The following INSM1 variants were observed in gnomAD, a reference collection of about 807,000 sequenced individuals.
The protein encoded by INSM1 is insulinoma-associated protein 1.
INSM1 carries 11 observed loss-of-function variants against 21.1 expected under a neutral mutation model. The observed-to-expected ratio is 0.52, with a 90% confidence interval of 0.33 to 0.86. INSM1 has a LOEUF of 0.86. INSM1 is among the 40% of genes least tolerant of loss of function. INSM1 has a pLI of 0.03. For synonymous variants in INSM1, 473 were observed against 386.1 expected (o/e 1.23, Z -2.64); for missense variants, 843 against 760.1 (o/e 1.11, Z -1.28).
Position 20,368,698 on chromosome 20 carries a change from G to A in INSM1, c.431G>A (p.Gly144Asp). 1 of 1,278,886 alleles carries A rather than the reference G, an allele frequency of 7.8e-7. No homozygotes were observed. Among genetic ancestry groups the A allele is most frequent in the South Asian group, 2.1e-5 (1 of 47,642 alleles). The allele number at this position is 1,278,886 out of a possible 1,614,324, so 79.2% of individuals were successfully genotyped here. The change falls in exon 1 of 1, where the codon GGC becomes GAC. Residue 144 changes from glycine to aspartate, a missense_variant. By Grantham distance (94) the Gly-to-Asp change is moderately conservative (BLOSUM62 -1). Coordinates refer to ENST00000310227, the MANE Select transcript of INSM1 (RefSeq NM_002196.3). The surrounding 1 kb of genome is among the most constrained non-coding windows in gnomAD (Gnocchi z 4.3). Reference protein sequence around the residue: ...PAALLGGGGGGGASGAGGGGT... With the variant: ...PAALLGGGGGDGASGAGGGGT... ...GCGCTGCTCGGAGGGGGCGGCGGCG[G>A]CGGCGCGAGCGGAGCTGGCGGAGGC...
rs188353744 is a variant in INSM1 at position 20,370,431 on chromosome 20, G to A, written c.*631G>A. The stretch of plus-strand genomic sequence containing the variant: ...GAACTGTTGTCTGGGATTGTTTTGT[G>A]GGGGGAGGGAAGGGAGTGTTCCGAA... On this transcript the variant is annotated 3_prime_UTR_variant, in exon 1 of 1. Transcript: ENST00000310227. 2 of 167,044 alleles carry A rather than the reference G, an allele frequency of 1.2e-5. No homozygotes were observed. The highest frequency in any genetic ancestry group is 2.4e-5 in the African/African-American group (1 of 41,416). The allele number at this position is 167,044 out of a possible 1,614,324, so 10.3% of individuals were successfully genotyped here.
At position 20,370,069 on chromosome 20, in the gene INSM1, A is replaced by G. The variant is rs1344042235; in HGVS notation, c.*269A>G. 4 of 423,664 alleles carry G rather than the reference A, an allele frequency of 9.4e-6. No homozygotes were observed. Among genetic ancestry groups the G allele is most frequent in the Non-Finnish European group, 8.6e-6 (2 of 231,736 alleles). 26.2% of individuals were successfully genotyped at this position (423,664 alleles called of 1,614,324 possible). ...GAGTCAGTCTCTTTCTGTACAAGGG[A>G]GAAAAGCTGTACGCGTTTGTCTCGT... On this transcript the variant is annotated 3_prime_UTR_variant, in exon 1 of 1. Coordinates refer to ENST00000310227, the MANE Select transcript of INSM1 (RefSeq NM_002196.3).
chr20:20,368,247 G>A lies in INSM1; in HGVS notation c.-21G>A. ...GCGGAGGGGGGACCGAGCCAGTGCC[G>A]TGCCCTCGGGCCGCGCCAACATGCC... is the stretch of plus-strand genomic sequence containing the variant. On this transcript the variant is annotated 5_prime_UTR_variant, in exon 1 of 1. It adds an upstream start codon to the 5' untranslated region. Transcript: ENST00000310227. This position sits in a 1 kb window ranked among gnomAD's most constrained non-coding sequence, Gnocchi z 4.3. 7 of 1,199,900 alleles carry A rather than the reference G, an allele frequency of 5.8e-6. No individual in the cohort carries two copies. The South Asian group carries it at 8.4e-5, about 14-fold the overall frequency. The allele number at this position is 1,199,900 out of a possible 1,614,324, so 74.3% of individuals were successfully genotyped here. A position where few individuals can be genotyped will look rare whatever the true frequency, so the allele number is the denominator to read the frequency against.
Position 20,368,953 on chromosome 20 carries a change from T to G in INSM1, c.686T>G (p.Leu229Arg), listed in dbSNP as rs1373913043. 1 of 1,555,284 alleles carries G rather than the reference T, an allele frequency of 6.4e-7. No homozygotes were observed. Among genetic ancestry groups the G allele is most frequent in the Non-Finnish European group, 8.7e-7 (1 of 1,154,140 alleles). Reference protein sequence around the residue: ...GAKKPKAIRKLHFEDEVTTSP... With the variant: ...GAKKPKAIRKRHFEDEVTTSP... ...AAGAAGCCCAAGGCCATCCGCAAGCTGCACTTCGAGGACGAGGTGACCACG... is the reference window on the plus strand; with the variant it reads ...AAGAAGCCCAAGGCCATCCGCAAGCGGCACTTCGAGGACGAGGTGACCACG... Residue 229 changes from leucine to arginine, a missense_variant, in exon 1 of 1, where the codon CTG becomes CGG. By Grantham distance (102) the Leu-to-Arg change is moderately radical (BLOSUM62 -2). Coordinates refer to ENST00000310227, the MANE Select transcript of INSM1 (RefSeq NM_002196.3). The surrounding 1 kb of genome is among the most constrained non-coding windows in gnomAD (Gnocchi z 4.3).
In INSM1 at chr20:20,369,230, C is replaced by G. The variant is rs751204309; in HGVS notation, c.963C>G (p.Pro321=). 8.2e-6 allele frequency: 12 copies of G among 1,463,742 alleles called. No homozygotes were observed. The South Asian group carries it at 9.3e-5, about 11-fold the overall frequency. 90.7% of individuals were successfully genotyped at this position (1,463,742 alleles called of 1,614,324 possible). The change falls in exon 1 of 1, where the codon CCC becomes CCG. Residue 321 remains proline (P), a synonymous_variant. Coordinates refer to ENST00000310227, the MANE Select transcript of INSM1 (RefSeq NM_002196.3). This position sits in a 1 kb window ranked among gnomAD's most constrained non-coding sequence, Gnocchi z 5.6. ...ACCGCCGCTGGCACAAACCGCGGCC[C>G]GCGCCCGCCGCCGCCCGCGCGCCGG... ...ASHRRWHKPR[P]APAAARAPEP...
In INSM1 at chr20:20,368,872, C is replaced by G. The variant is rs750881078; in HGVS notation, c.605C>G (p.Pro202Arg). 3.0e-5 allele frequency: 43 copies of G among 1,430,984 alleles called. No homozygotes were observed. The Middle Eastern group carries it at 1.3e-3, about 42-fold the overall frequency. 88.6% of individuals were successfully genotyped at this position (1,430,984 alleles called of 1,614,324 possible). Residue 202 changes from proline (P) to arginine (R), a missense_variant, in exon 1 of 1, where the codon CCC becomes CGC. Transcript: ENST00000310227. This position sits in a 1 kb window ranked among gnomAD's most constrained non-coding sequence, Gnocchi z 4.3. ...GCCCTGCGGCCCCCGGGAAAGCGGC[C>G]CCCGCCCCCTACCGCCGCGGAGCCG... is the stretch of plus-strand genomic sequence containing the variant. ...AAALRPPGKR[P>R]PPPTAAEPPA...
chr20:20,368,372 C>A lies in INSM1; in HGVS notation c.105C>A (p.Ser35Arg). The A allele has an allele frequency of 9.1e-7, 1 of 1,103,898 alleles. No homozygotes were observed. The highest frequency in any genetic ancestry group is 1.1e-6 in the Non-Finnish European group (1 of 901,252). 68.4% of individuals were successfully genotyped at this position (1,103,898 alleles called of 1,614,324 possible). Reference sequence around the variant, plus strand: ...ACCGCGCACTGCTGCTCTCGCCCAGCTGCGGGGGCGCCCGCGCCGAGCCCC... The same window carrying A: ...ACCGCGCACTGCTGCTCTCGCCCAGATGCGGGGGCGCCCGCGCCGAGCCCC... ...DGDRALLLSP[S>R]CGGARAEPPA... The change falls in exon 1 of 1, where the codon AGC becomes AGA. Residue 35 changes from serine (S) to arginine (R), a missense_variant. Physicochemically the swap from Ser to Arg is moderately radical, Grantham distance 110. Coordinates refer to ENST00000310227, the MANE Select transcript of INSM1 (RefSeq NM_002196.3). The surrounding 1 kb of genome is among the most constrained non-coding windows in gnomAD (Gnocchi z 4.3).
chr20:20,368,533 G>T lies in INSM1; in HGVS notation c.266G>T (p.Gly89Val). ...PPQGPRAAHF[G>V]NPEAAHPAPL... ...CAGGGCCCGCGGGCCGCGCACTTCG[G>T]CAACCCCGAGGCTGCGCACCCCGCG... The change falls in exon 1 of 1, where the codon GGC becomes GTC. Residue 89 changes from glycine to valine, a missense_variant. Gly to Val is a moderately radical substitution (Grantham distance 109). Coordinates refer to ENST00000310227, the MANE Select transcript of INSM1 (RefSeq NM_002196.3). This position sits in a 1 kb window ranked among gnomAD's most constrained non-coding sequence, Gnocchi z 4.3. 1 of 1,313,928 alleles carries T rather than the reference G, an allele frequency of 7.6e-7. No homozygotes were observed. The highest frequency in any genetic ancestry group is 3.6e-5 in the East Asian group (1 of 27,454). 81.4% of individuals were successfully genotyped at this position (1,313,928 alleles called of 1,614,324 possible). A position where few individuals can be genotyped will look rare whatever the true frequency, so the allele number is the denominator to read the frequency against.
In INSM1 at chr20:20,369,509, C is replaced by G. The variant is rs1369398352; in HGVS notation, c.1242C>G (p.Pro414=). 5.8e-6 allele frequency: 9 copies of G among 1,546,834 alleles called. No homozygotes were observed. In the African/African-American group the frequency reaches 8.2e-5, roughly 14 times the overall value. Residue 414 remains proline, a synonymous_variant, in exon 1 of 1, where the codon CCC becomes CCG. Coordinates refer to ENST00000310227, the MANE Select transcript of INSM1 (RefSeq NM_002196.3). This position sits in a 1 kb window ranked among gnomAD's most constrained non-coding sequence, Gnocchi z 5.6. ...AEDLLALYPG[P]DEKAPQEAAG... is the part of the protein sequence containing the mutation. ...ACCTACTGGCCTTGTACCCCGGGCC[C>G]GACGAGAAGGCGCCCCAGGAGGCGG...
Position 20,369,843 on chromosome 20 carries a change from G to A in INSM1, c.*43G>A. Reference sequence around the variant, plus strand: ...GGCCCCCGAACTGTGCCTTCGCTTGGAGACCCACAAAGAGAGTGCGCCCTG... The same window carrying A: ...GGCCCCCGAACTGTGCCTTCGCTTGAAGACCCACAAAGAGAGTGCGCCCTG... On this transcript the variant is annotated 3_prime_UTR_variant, in exon 1 of 1. Coordinates refer to ENST00000310227, the MANE Select transcript of INSM1 (RefSeq NM_002196.3). The surrounding 1 kb of genome is among the most constrained non-coding windows in gnomAD (Gnocchi z 5.6). The A allele has an allele frequency of 6.5e-7, 1 of 1,539,614 alleles. No individual in the cohort carries two copies. Among genetic ancestry groups the A allele is most frequent in the Non-Finnish European group, 8.8e-7 (1 of 1,137,990 alleles).
Position 20,368,254 on chromosome 20 carries a change from C to G in INSM1, c.-14C>G, listed in dbSNP as rs764731128. 1 of 1,225,708 alleles carries G rather than the reference C, an allele frequency of 8.2e-7. No homozygotes were observed. The highest frequency in any genetic ancestry group is 1.0e-6 in the Non-Finnish European group (1 of 969,420). 75.9% of individuals were successfully genotyped at this position (1,225,708 alleles called of 1,614,324 possible). On this transcript the variant is annotated 5_prime_UTR_variant, in exon 1 of 1. Coordinates refer to ENST00000310227, the MANE Select transcript of INSM1 (RefSeq NM_002196.3). This position sits in a 1 kb window ranked among gnomAD's most constrained non-coding sequence, Gnocchi z 4.3. The stretch of plus-strand genomic sequence containing the variant: ...GGGGACCGAGCCAGTGCCGTGCCCT[C>G]GGGCCGCGCCAACATGCCCCGCGGC...
In INSM1 at chr20:20,368,893, A is replaced by C; in HGVS notation, c.626A>C (p.Glu209Ala). Residue 209 changes from glutamate (E) to alanine (A), a missense_variant, in exon 1 of 1, where the codon GAG becomes GCG. Transcript: ENST00000310227. This position sits in a 1 kb window ranked among gnomAD's most constrained non-coding sequence, Gnocchi z 4.3. ...GKRPPPPTAA[E>A]PPAKAVKAPG... ...CGGCCCCCGCCCCCTACCGCCGCGG[A>C]GCCGCCCGCCAAGGCAGTCAAGGCC... 6.8e-7 allele frequency: 1 copy of C among 1,470,286 alleles called. No individual in the cohort carries two copies. Among genetic ancestry groups the C allele is most frequent in the Non-Finnish European group, 9.0e-7 (1 of 1,112,996 alleles). The allele number at this position is 1,470,286 out of a possible 1,614,324, so 91.1% of individuals were successfully genotyped here.
chr20:20,368,280 T>C lies in INSM1; in HGVS notation c.13T>C (p.Phe5Leu). MPRG[F>L]LVKRSKKSTP... ...GGGCCGCGCCAACATGCCCCGCGGC[T>C]TCCTGGTGAAGCGCAGCAAGAAGTC... is the stretch of plus-strand genomic sequence containing the variant. Residue 5 changes from phenylalanine (F) to leucine (L), a missense_variant, in exon 1 of 1, where the codon TTC (phenylalanine) becomes CTC (leucine). By Grantham distance (22) the Phe-to-Leu change is conservative. Coordinates refer to ENST00000310227, the MANE Select transcript of INSM1 (RefSeq NM_002196.3). The surrounding 1 kb of genome is among the most constrained non-coding windows in gnomAD (Gnocchi z 4.3). 2 of 1,291,060 alleles carry C rather than the reference T, an allele frequency of 1.5e-6. No individual in the cohort carries two copies. Among genetic ancestry groups the C allele is most frequent in the South Asian group, 1.6e-5 (1 of 62,816 alleles). The allele number at this position is 1,291,060 out of a possible 1,614,324, so 80.0% of individuals were successfully genotyped here.
chr20:20,368,297 C>T lies in INSM1; in HGVS notation c.30C>T (p.Ser10=). The T allele has an allele frequency of 3.0e-6, 4 of 1,314,968 alleles. No individual in the cohort carries two copies. Among genetic ancestry groups the T allele is most frequent in the Non-Finnish European group, 3.9e-6 (4 of 1,015,668 alleles). The allele number at this position is 1,314,968 out of a possible 1,614,324, so 81.5% of individuals were successfully genotyped here. MPRGFLVKR[S]KKSTPVSYRV... is the part of the protein sequence containing the mutation. ...CCCGCGGCTTCCTGGTGAAGCGCAG[C>T]AAGAAGTCCACGCCCGTTTCCTACC... is the stretch of plus-strand genomic sequence containing the variant. The change falls in exon 1 of 1, where the codon AGC becomes AGT. Residue 10 remains serine (S), a synonymous_variant. Coordinates refer to ENST00000310227, the MANE Select transcript of INSM1 (RefSeq NM_002196.3). The surrounding 1 kb of genome is among the most constrained non-coding windows in gnomAD (Gnocchi z 4.3).
rs2059482360 is a variant in INSM1, at chr20:20,368,147, C to G, written c.-121C>G. 2 of 730,142 alleles carry G rather than the reference C, an allele frequency of 2.7e-6. No homozygotes were observed. The highest frequency in any genetic ancestry group is 1.9e-5 in the African/African-American group (1 of 52,302). 45.2% of individuals were successfully genotyped at this position (730,142 alleles called of 1,614,324 possible). On this transcript the variant is annotated 5_prime_UTR_variant, in exon 1 of 1. Transcript: ENST00000310227. This position sits in a 1 kb window ranked among gnomAD's most constrained non-coding sequence, Gnocchi z 4.3. ...GGCGCAGAGCTGGGCCGAGCCGTCG[C>G]CGGCGCCACGCGAGTCCCGCAGCCG...
At position 20,369,149 on chromosome 20, in the gene INSM1, G is replaced by C. The variant is rs1484731890; in HGVS notation, c.882G>C (p.Glu294Asp). The change falls in exon 1 of 1, where the codon GAG (glutamate) becomes GAC (aspartate). Residue 294 changes from glutamate to aspartate, a missense_variant. Transcript: ENST00000310227. The surrounding 1 kb of genome is among the most constrained non-coding windows in gnomAD (Gnocchi z 5.6). ...QHKCSRIVRV[E>D]YRCPECAKVF... Reference sequence around the variant, plus strand: ...AATGCTCGCGCATCGTGCGTGTGGAGTACCGCTGTCCCGAGTGCGCCAAGG... The same window carrying C: ...AATGCTCGCGCATCGTGCGTGTGGACTACCGCTGTCCCGAGTGCGCCAAGG... The C allele has an allele frequency of 3.2e-6, 5 of 1,584,372 alleles. No individual in the cohort carries two copies. The East Asian group carries it at 7.1e-5, about 22-fold the overall frequency.
chr20:20,369,668 G>A lies in INSM1; in HGVS notation c.1401G>A (p.Gln467=). Reference sequence around the variant, plus strand: ...ACCTGCGCCTGCTGCACGCCGCCCAGGTGTTCCCCTGCAAGTACTGCCCGG... The same window carrying A: ...ACCTGCGCCTGCTGCACGCCGCCCAAGTGTTCCCCTGCAAGTACTGCCCGG... ...ERHLRLLHAA[Q]VFPCKYCPAT... The change falls in exon 1 of 1, where the codon CAG becomes CAA. Residue 467 remains glutamine (Q), a synonymous_variant. Transcript: ENST00000310227. This position sits in a 1 kb window ranked among gnomAD's most constrained non-coding sequence, Gnocchi z 5.6. 6.2e-7 allele frequency: 1 copy of A among 1,600,698 alleles called. No homozygotes were observed. Among genetic ancestry groups the A allele is most frequent in the South Asian group, 1.1e-5 (1 of 91,076 alleles).
Position 20,368,112 on chromosome 20 carries a change from G to A in INSM1, c.-156G>A. The A allele has an allele frequency of 1.0e-5, 4 of 384,238 alleles. No individual in the cohort carries two copies. The highest frequency in any genetic ancestry group is 1.5e-5 in the Non-Finnish European group (4 of 271,622). 23.8% of individuals were successfully genotyped at this position (384,238 alleles called of 1,614,324 possible). ...GGCTGCCGGGCCCGGGGACAGGGAC[G>A]CGCGTGCAGGGCGCAGAGCTGGGCC... On this transcript the variant is annotated 5_prime_UTR_variant, in exon 1 of 1. Transcript: ENST00000310227. This position sits in a 1 kb window ranked among gnomAD's most constrained non-coding sequence, Gnocchi z 4.3.
chr20:20,369,332 C>G lies in INSM1; in HGVS notation c.1065C>G (p.Gly355=). 1 of 1,439,590 alleles carries G rather than the reference C, an allele frequency of 6.9e-7. No homozygotes were observed. The highest frequency in any genetic ancestry group is 9.0e-7 in the Non-Finnish European group (1 of 1,107,874). The allele number at this position is 1,439,590 out of a possible 1,614,324, so 89.2% of individuals were successfully genotyped here. The change falls in exon 1 of 1, where the codon GGC becomes GGG. Residue 355 remains glycine (G), a synonymous_variant. Transcript: ENST00000310227. The surrounding 1 kb of genome is among the most constrained non-coding windows in gnomAD (Gnocchi z 5.6). ...GCGACCGGGACACGCCGAGCCCCGG[C>G]GGCGTGTCCGAGTCGGGCTCCGAGG... ...GGSDRDTPSP[G]GVSESGSEDG...
Sources: allele counts gnomAD v4.1 joint callset, GRCh38; gene constraint gnomAD v4.1.1; non-coding constraint Gnocchi (gnomAD v3.1); transcripts MANE v1.5; gene names NCBI Gene and HGNC (gene_info 2026-07-23, HGNC 2026-07-21).